The following PRKCH variants were observed in gnomAD, a reference collection of about 807,000 sequenced individuals.
The protein encoded by PRKCH is protein kinase C eta type.
Under a neutral mutation model 82.5 loss-of-function variants are expected in PRKCH, and 28 were observed. The ratio of observed to expected loss-of-function variants is 0.34; its 90% confidence interval spans 0.25 to 0.47. The LOEUF is 0.47. Among genes scored for constraint, PRKCH ranks in the 20% least tolerant of loss-of-function variants. PRKCH has a pLI of 1.00. For synonymous variants in PRKCH, 322 were observed against 327.4 expected (o/e 0.98, Z 0.18); for missense variants, 705 against 881.8 (o/e 0.80, Z 2.54).
intron 1 of PRKCH, among the ~76,000 whole-genome samples, chr14:61,293,198 A>G (rs555880264): frequency 2.0e-5 from 3 of 152,372 alleles, no homozygotes; most frequent in Admixed American, 1.3e-4. Flanking sequence ...CTGATTGACT[A>G]CAACTGCATG....
intron 1 of PRKCH, among the ~76,000 whole-genome samples, chr14:61,370,407 C>A (rs756979942): frequency 6.6e-6 from 1 of 152,008 alleles, no homozygotes; most frequent in Non-Finnish European, 1.5e-5. Context: ...AAGTGCGATG[C>A]CAGTTTGCTA....
At chr14:61,324,752 T>A (rs2140120179) in intron 1 of PRKCH, among the ~76,000 whole-genome samples, 1 of 152,290 alleles carries the variant, frequency 6.6e-6, no homozygotes, top group East Asian at 1.9e-4. Flanking sequence ...AGCCACTGCA[T>A]CTGGCCCAAA....
intron 10 of PRKCH, among the ~76,000 whole-genome samples, chr14:61,503,729 C>T (rs1243690288): frequency 6.6e-6 from 1 of 152,110 alleles, no homozygotes. Flanking sequence ...TTACAAAGCG[C>T]TTTACCTCTG....
intron 1 of PRKCH, among the ~76,000 whole-genome samples, chr14:61,368,280 C>T (rs1271538819): frequency 2.0e-5 from 3 of 151,734 alleles, no homozygotes; most frequent in African/African-American, 4.9e-5. Context: ...CACCTCTTCT[C>T]TGGCTATTAC....
intron 1 of PRKCH, among the ~76,000 whole-genome samples, chr14:61,334,846 G>C (rs1594922838): frequency 6.6e-6 from 1 of 151,990 alleles, no homozygotes; most frequent in Non-Finnish European, 1.5e-5. Flanking sequence ...GCTAGCTTTG[G>C]GTGCTTTTTA....
intron 12 of PRKCH, among the ~76,000 whole-genome samples, chr14:61,541,347 C>T (rs2246695): frequency 0.6 from 92,015 of 152,240 alleles, 34,332 homozygotes; most frequent in Non-Finnish European, 0.82. Flanking sequence ...CGAGGTTGGG[C>T]GTCATGGCTG....
In PRKCH at chr14:61,281,187, G is replaced by A. The variant is rs1369490493; in HGVS notation, c.-19+93519G>A. The A allele has an allele frequency of 4.0e-6, 5 of 1,239,206 alleles. No individual in the cohort carries two copies. In the African/African-American group the frequency reaches 4.7e-5, roughly 12 times the overall value. The allele number at this position is 1,239,206 out of a possible 1,614,324, so 76.8% of individuals were successfully genotyped here. ...GACCGACGCGCGGGCTGACCGAGTG[G>A]GGGCCCCGCCGCGGGGCGCCTCCCT... is the stretch of plus-strand genomic sequence containing the variant. On this transcript the variant is annotated intron_variant, in intron 1 of 3. Transcript: ENST00000555185.
intron 1 of PRKCH, among the ~76,000 whole-genome samples, chr14:61,336,676 TA>T (rs2045861113): frequency 6.6e-6 from 1 of 152,216 alleles, no homozygotes; most frequent in Non-Finnish European, 1.5e-5. Flanking sequence ...CAATTGGCAT[TA>T]AAATATATTT....
intron 1 of PRKCH, among the ~76,000 whole-genome samples, chr14:61,314,211 T>C (rs1020930084): frequency 6.6e-6 from 1 of 152,196 alleles, no homozygotes; most frequent in African/African-American, 2.4e-5. Context: ...GTATGAAGTT[T>C]TTTTTATTGT....
chr14:61,395,290 G>C (rs1237477300), intron 2 of PRKCH, among the ~76,000 whole-genome samples: 4 of 124,352 alleles, frequency 3.2e-5, no homozygotes, highest in Non-Finnish European at 3.3e-5. Context: ...AGGAAATGGA[G>C]CCCCCCCCCG....
At chr14:61,528,282 C>G (rs2042996793) in intron 10 of PRKCH, among the ~76,000 whole-genome samples, 1 of 152,074 alleles carries the variant, frequency 6.6e-6, no homozygotes, top group Non-Finnish European at 1.5e-5. Flanking sequence ...CAGCCTCAAC[C>G]TCCTGGGCTC....
intron 1 of PRKCH, among the ~76,000 whole-genome samples, chr14:61,323,532 A>C (rs1295937383): frequency 6.6e-6 from 1 of 152,224 alleles, no homozygotes; most frequent in Non-Finnish European, 1.5e-5. Flanking sequence ...AATGTTTGAA[A>C]TTTACAAGTG....
At chr14:61,299,160 G>A (rs1286154806) in intron 1 of PRKCH, among the ~76,000 whole-genome samples, 4 of 152,160 alleles carry the variant, frequency 2.6e-5, no homozygotes, top group African/African-American at 4.8e-5. Flanking sequence ...TATAGGTGCC[G>A]TAAGGGACAT....
intron 1 of PRKCH, among the ~76,000 whole-genome samples, chr14:61,285,918 T>G (rs778025937): frequency 6.6e-6 from 1 of 152,222 alleles, no homozygotes; most frequent in Non-Finnish European, 1.5e-5. Context: ...ACCCCAAAGA[T>G]AAGCAAACTC....
At chr14:61,435,754 A>G (rs898261815) in intron 2 of PRKCH, among the ~76,000 whole-genome samples, 5 of 152,184 alleles carry the variant, frequency 3.3e-5, no homozygotes, top group Non-Finnish European at 7.3e-5. Flanking sequence ...CCAGAGCTAT[A>G]GCTGTATATT....
At chr14:61,417,872 G>C (rs1411276392) in intron 2 of PRKCH, among the ~76,000 whole-genome samples, 2 of 152,160 alleles carry the variant, frequency 1.3e-5, no homozygotes, top group African/African-American at 4.8e-5. Flanking sequence ...GTGTATGAGG[G>C]TTTTTGTGGA....
chr14:61,525,506 C>T (rs2042954360), intron 10 of PRKCH: 1 of 152,200 alleles, frequency 6.6e-6, no homozygotes, highest in African/African-American at 2.4e-5. Flanking sequence ...CTTCTGAGAG[C>T]TGCGTCCCAA....
chr14:61,394,191 A>G (rs191050948), intron 2 of PRKCH, among the ~76,000 whole-genome samples: 12 of 152,144 alleles, frequency 7.9e-5, no homozygotes, highest in African/African-American at 2.9e-4. Flanking sequence ...AAAGTTTTTC[A>G]ATATATCGTC....
At chr14:61,384,902 G>A (rs949883736) in intron 1 of PRKCH, among the ~76,000 whole-genome samples, 3 of 152,096 alleles carry the variant, frequency 2.0e-5, no homozygotes, top group Non-Finnish European at 4.4e-5. Flanking sequence ...AAATTTAGGT[G>A]TAAGTTACAA....
Sources: allele counts gnomAD v4.1 joint callset (sites outside exome capture counted in the v4.1 genomes callset), GRCh38; gene constraint gnomAD v4.1.1; transcripts MANE v1.5; gene names NCBI Gene and HGNC (gene_info 2026-07-23, HGNC 2026-07-21).